The following NELL1 variants were observed in gnomAD, a reference collection of about 807,000 sequenced individuals.
NELL1 encodes protein kinase C-binding protein NELL1.
NELL1 carries 76 observed loss-of-function variants against 107.4 expected under a neutral mutation model. That is an observed-to-expected ratio of 0.71 (90% CI 0.59 to 0.86). NELL1 has a LOEUF of 0.86. Among genes scored for constraint, NELL1 ranks in the 40% least tolerant of loss-of-function variants. The pLI is 0.00. For missense variants in NELL1, 1,024 were observed against 1,005.5 expected (o/e 1.02, Z -0.25); for synonymous variants, 353 against 341.2 (o/e 1.03, Z -0.38).
chr11:20,694,495 T>C (rs1179560704), intron 2 of NELL1, among the ~76,000 whole-genome samples: 1 of 152,164 alleles, frequency 6.6e-6, no homozygotes, highest in African/African-American at 2.4e-5. Context: ...GCTGGTCAGT[T>C]ATCCCAGCAC....
At chr11:21,073,882 A>AAGAGAATGGAGGT (rs1854073320) in intron 12 of NELL1, among the ~76,000 whole-genome samples, 1 of 152,224 alleles carries the variant, frequency 6.6e-6, no homozygotes, top group Admixed American at 6.5e-5. Context: ...GAAATGTACA[A>AAGAGAATGGAGGT]AGAGAATGGA....
chr11:21,105,401 C>A (rs548528726), intron 12 of NELL1, among the ~76,000 whole-genome samples: 2 of 152,114 alleles, frequency 1.3e-5, no homozygotes, highest in Non-Finnish European at 2.9e-5. Context: ...GTGGTGTTTA[C>A]GTCACACTCA....
chr11:20,903,262 C>T (rs1408833078), intron 5 of NELL1, among the ~76,000 whole-genome samples: 1 of 152,028 alleles, frequency 6.6e-6, no homozygotes, highest in African/African-American at 2.4e-5. Context: ...ACTGAACTCA[C>T]ATTCAATGCA....
chr11:21,164,575 A>C (rs1301837160), intron 13 of NELL1, among the ~76,000 whole-genome samples: 1 of 152,188 alleles, frequency 6.6e-6, no homozygotes, highest in African/African-American at 2.4e-5. Context: ...CTACATTTTT[A>C]ATCTATTATG....
intron 4 of NELL1, among the ~76,000 whole-genome samples, chr11:20,877,671 C>A (rs1349576769): frequency 1.3e-5 from 2 of 152,184 alleles, no homozygotes; most frequent in Non-Finnish European, 2.9e-5. Context: ...GCCCTTGATT[C>A]AATGATTGAC....
intron 14 of NELL1, among the ~76,000 whole-genome samples, chr11:21,309,998 C>A (rs11026015): frequency 1.7e-3 from 255 of 152,186 alleles, no homozygotes; most frequent in Non-Finnish European, 3.3e-3. Context: ...ATGGCAGATA[C>A]AACTTCTTAG....
intron 14 of NELL1, among the ~76,000 whole-genome samples, chr11:21,287,588 CAG>C (rs916854382): frequency 3.4e-4 from 52 of 152,270 alleles, no homozygotes; most frequent in African/African-American, 1.2e-3. Context: ...AAGACTATAA[CAG>C]AATTTATTGT....
At chr11:20,724,309 G>T (rs950450026) in intron 2 of NELL1, among the ~76,000 whole-genome samples, 2 of 152,182 alleles carry the variant, frequency 1.3e-5, no homozygotes, top group African/African-American at 4.8e-5. Context: ...ACATGGTCAG[G>T]CTGCAAATTT....
chr11:20,850,440 T>G (rs889395866), intron 4 of NELL1, among the ~76,000 whole-genome samples: 3 of 152,226 alleles, frequency 2.0e-5, no homozygotes, highest in African/African-American at 7.2e-5. Flanking sequence ...GCTGAGTACT[T>G]TACATAGATT....
intron 13 of NELL1, among the ~76,000 whole-genome samples, chr11:21,207,191 T>C (rs186595798): frequency 2.6e-5 from 4 of 152,354 alleles, no homozygotes; most frequent in Admixed American, 2.0e-4. Context: ...ACTGAATCTG[T>C]ATTACTTGCC....
At chr11:21,394,915 C>T in intron 15 of NELL1, among the ~76,000 whole-genome samples, 1 of 151,432 alleles carries the variant, frequency 6.6e-6, no homozygotes, top group East Asian at 2.0e-4. Flanking sequence ...GAGCCAGAAT[C>T]ACTAGTTTCT....
intron 15 of NELL1, among the ~76,000 whole-genome samples, chr11:21,397,740 A>C (rs1852012674): frequency 1.3e-5 from 2 of 151,640 alleles, no homozygotes; most frequent in Non-Finnish European, 3.0e-5. Context: ...CCTCAAAGGG[A>C]TAGTACTAGA....
chr11:21,327,862 C>G (rs1001482192), intron 14 of NELL1, among the ~76,000 whole-genome samples: 2 of 152,006 alleles, frequency 1.3e-5, no homozygotes, highest in Non-Finnish European at 2.9e-5. Flanking sequence ...AGACTGGTGG[C>G]ATTTTGCATC....
At chr11:20,963,831 A>C (rs577038362) in intron 12 of NELL1, among the ~76,000 whole-genome samples, 14 of 152,300 alleles carry the variant, frequency 9.2e-5, no homozygotes, top group African/African-American at 3.4e-4. Context: ...TTAAAACAAA[A>C]TATTACACAC....
At chr11:20,800,699 G>C (rs922194049) in intron 3 of NELL1, among the ~76,000 whole-genome samples, 1 of 152,140 alleles carries the variant, frequency 6.6e-6, no homozygotes, top group Non-Finnish European at 1.5e-5. Context: ...TCTCTAAGAT[G>C]GGTGCAGCAC....
intron 14 of NELL1, chr11:21,283,971 G>A (rs1418107142): frequency 5.9e-6 from 2 of 340,734 alleles, no homozygotes; most frequent in Non-Finnish European, 1.2e-5. Context: ...CCTGGAGATG[G>A]CACTGGGACT....
In NELL1 at chr11:21,336,073, A is replaced by G. The variant is rs529061341; in HGVS notation, c.1550-34780A>G. On this transcript the variant is annotated intron_variant, in intron 14 of 19. Coordinates refer to ENST00000357134, the MANE Select transcript of NELL1 (RefSeq NM_006157.5). ...AAATTTTTCAACATTATTTATATAC[A>G]ACCTTAGTTTATTATAAAAACTGTT... Among the ~76,000 whole-genome samples the G allele has an allele frequency of 5.9e-5, 9 of 152,230 alleles. No individual in the cohort carries two copies. In the South Asian group the frequency reaches 1.9e-3, roughly 32 times the overall value.
intron 5 of NELL1, among the ~76,000 whole-genome samples, chr11:20,906,031 G>A (rs1484853769): frequency 6.6e-6 from 1 of 152,106 alleles, no homozygotes; most frequent in African/African-American, 2.4e-5. Flanking sequence ...AATCTTGAGA[G>A]CAGAAAGCAA....
intron 14 of NELL1, among the ~76,000 whole-genome samples, chr11:21,264,688 A>G (rs1848602787): frequency 6.6e-6 from 1 of 151,804 alleles, no homozygotes; most frequent in Admixed American, 6.6e-5. Flanking sequence ...GGGCTAATTG[A>G]AATAGAGACT....
Sources: allele counts gnomAD v4.1 joint callset (sites outside exome capture counted in the v4.1 genomes callset), GRCh38; gene constraint gnomAD v4.1.1; transcripts MANE v1.5; gene names NCBI Gene and HGNC (gene_info 2026-07-23, HGNC 2026-07-21).